The following EBF2 variants were observed in gnomAD, a reference collection of about 807,000 sequenced individuals.
EBF2 encodes EBF transcription factor 2, also known as transcription factor COE2.
EBF2 carries 21 observed loss-of-function variants against 72.8 expected under a neutral mutation model. That is an observed-to-expected ratio of 0.29 (90% CI 0.20 to 0.42). The LOEUF (loss-of-function observed/expected upper bound fraction) is 0.42, where lower values mean the gene tolerates loss of function less well. Among genes scored for constraint, EBF2 ranks in the 10% least tolerant of loss-of-function variants. The pLI, the probability that EBF2 is intolerant of heterozygous loss-of-function variation, is 1.00. For synonymous variants in EBF2, 299 were observed against 274.2 expected, an observed-to-expected ratio of 1.09 and a Z score of -0.89; for missense variants, 637 against 731.2, an observed-to-expected ratio of 0.87 and a Z score of 1.49.
chr8:26,042,430 C>G (rs1805619363), intron 1 of EBF2, among the ~76,000 whole-genome samples, 179 bp from the exon 2 acceptor site: 1 of 152,160 alleles, frequency 6.6e-6, no homozygotes, highest in Admixed American at 6.5e-5. Flanking sequence ...AAAGGAGTCA[C>G]CGTGGCCACG....
intron 14 of EBF2, among the ~76,000 whole-genome samples, chr8:25,854,655 A>G (rs1420503814): frequency 6.6e-6 from 1 of 152,118 alleles, no homozygotes; most frequent in African/African-American, 2.4e-5. Context: ...TACTATTTTA[A>G]TAGGCTTTTT....
chr8:25,981,168 C>T (rs763518010), intron 6 of EBF2, among the ~76,000 whole-genome samples: 66 of 152,298 alleles, frequency 4.3e-4, no homozygotes, highest in Non-Finnish European at 5.1e-4. Context: ...GTGCCAACCA[C>T]GCAGTGAGGT....
chr8:25,960,872 C>T (rs1352936104), intron 6 of EBF2, among the ~76,000 whole-genome samples: 1 of 152,298 alleles, frequency 6.6e-6, no homozygotes, highest in East Asian at 1.9e-4. Context: ...TCTTTCAATT[C>T]CCCTGTGTTA....
At chr8:25,886,631 C>T (rs1319716138) in intron 10 of EBF2, 124 bp downstream of exon 10, 3 of 1,175,784 alleles carry the variant, frequency 2.6e-6, no homozygotes, top group Non-Finnish European at 3.5e-6. Context: ...TATCACTCAG[C>T]TCACTCTTTC....
intron 10 of EBF2, among the ~76,000 whole-genome samples, chr8:25,882,846 C>G (rs1241565981): frequency 6.6e-6 from 1 of 152,198 alleles, no homozygotes; most frequent in Non-Finnish European, 1.5e-5. Context: ...CTCCAATAGC[C>G]TGAGCATAGA....
intron 6 of EBF2, among the ~76,000 whole-genome samples, chr8:25,933,375 T>C (rs906747290): frequency 6.6e-6 from 1 of 152,182 alleles, no homozygotes; most frequent in Non-Finnish European, 1.5e-5. Flanking sequence ...GCCACGAATC[T>C]ACGGAAAAGG....
intron 10 of EBF2, among the ~76,000 whole-genome samples, chr8:25,871,674 G>T (rs1802441758): frequency 6.6e-6 from 1 of 152,118 alleles, no homozygotes; most frequent in Non-Finnish European, 1.5e-5. Flanking sequence ...AGTCATTCGG[G>T]TTTGCTTAAG....
chr8:25,848,444 C>A (rs1355311756), intron 15 of EBF2, among the ~76,000 whole-genome samples: 2 of 152,250 alleles, frequency 1.3e-5, no homozygotes, highest in African/African-American at 2.4e-5. Context: ...CTTACTAAGA[C>A]CAAGCAAGGT....
At chr8:26,030,440 G>T (rs1192301480) in intron 6 of EBF2, among the ~76,000 whole-genome samples, 3 of 152,052 alleles carry the variant, frequency 2.0e-5, no homozygotes, top group Non-Finnish European at 4.4e-5. Flanking sequence ...TGGGGGAAGG[G>T]GGGAGGGAGA....
At chr8:25,922,703 C>A (rs931201945) in intron 6 of EBF2, among the ~76,000 whole-genome samples, 5 of 152,288 alleles carry the variant, frequency 3.3e-5, no homozygotes, top group African/African-American at 1.2e-4. Context: ...CCTTCTACTG[C>A]CTTTGAAAGG....
chr8:25,869,681 C>A (rs1244823539), intron 10 of EBF2, among the ~76,000 whole-genome samples: 1 of 152,060 alleles, frequency 6.6e-6, no homozygotes. Context: ...TTTTTTCTTC[C>A]ACTTAGCTTT....
chr8:25,908,873 T>C (rs946354098), intron 6 of EBF2, among the ~76,000 whole-genome samples: 2 of 152,138 alleles, frequency 1.3e-5, no homozygotes, highest in Non-Finnish European at 2.9e-5. Context: ...AGGCTTCAAA[T>C]GCAGCAGTGA....
At position 25,844,236 on chromosome 8, in the gene EBF2, T is replaced by G. The variant is rs938204253; in HGVS notation, c.*373A>C. 1 of 162,128 alleles carries G rather than the reference T, an allele frequency of 6.2e-6. No individual in the cohort carries two copies. Among genetic ancestry groups the G allele is most frequent in the Non-Finnish European group, 1.4e-5 (1 of 74,072 alleles). The allele number at this position is 162,128 out of a possible 1,614,324, so 10.0% of individuals were successfully genotyped here. A position where few individuals can be genotyped will look rare whatever the true frequency, so the allele number is the denominator to read the frequency against. Reference sequence around the variant, plus strand: ...AGAAAATAGAAACTTTCAACTTTTTTTTCCTACAAAGAAAAACAAATAGTA... The same window carrying G: ...AGAAAATAGAAACTTTCAACTTTTTGTTCCTACAAAGAAAAACAAATAGTA... On this transcript the variant is annotated 3_prime_UTR_variant, in exon 16 of 16. Coordinates refer to ENST00000520164, the MANE Select transcript of EBF2 (RefSeq NM_022659.4).
chr8:25,928,213 G>C, intron 6 of EBF2, among the ~76,000 whole-genome samples: 1 of 152,150 alleles, frequency 6.6e-6, no homozygotes, highest in East Asian at 1.9e-4. Context: ...CCTGAGACAT[G>C]TACCCACTCT....
At position 26,042,160 on chromosome 8, in the gene EBF2, C is replaced by T. The variant is rs2117268032; in HGVS notation, c.223G>A (p.Asp75Asn). ...ATCTCCACCGGCTGGCCCTGCCTGT[C>T]ATAGAGCGCCAGGACGAAGTGAAAG... Reference protein sequence around the residue: ...NFFHFVLALYDRQGQPVEIER... With the variant: ...NFFHFVLALYNRQGQPVEIER... Residue 75 changes from aspartate (D) to asparagine (N), a missense_variant, in exon 2 of 16, where the codon GAC (aspartate) becomes AAC (asparagine). Asp to Asn is a conservative substitution (Grantham distance 23). Transcript: ENST00000520164. The T allele has an allele frequency of 6.2e-7, 1 of 1,614,186 alleles. No individual in the cohort carries two copies. The highest frequency in any genetic ancestry group is 2.2e-5 in the East Asian group (1 of 44,870).
At chr8:25,926,218 G>T (rs1331270062) in intron 6 of EBF2, among the ~76,000 whole-genome samples, 1 of 152,126 alleles carries the variant, frequency 6.6e-6, no homozygotes, top group East Asian at 1.9e-4. Flanking sequence ...TGCTCTCGCC[G>T]TATGGTGGCC....
intron 15 of EBF2, among the ~76,000 whole-genome samples, chr8:25,849,958 G>A (rs1446394042): frequency 6.6e-6 from 1 of 152,116 alleles, no homozygotes; most frequent in Non-Finnish European, 1.5e-5. Context: ...GGTATCCCCT[G>A]GGGTGACTGG....
chr8:26,040,141 G>A, intron 4 of EBF2, 40 bp from the exon 5 acceptor site: 2 of 1,596,748 alleles, frequency 1.3e-6, no homozygotes, highest in Non-Finnish European at 1.7e-6. Flanking sequence ...GATGTGGAGA[G>A]GGGTGGGGGG....
chr8:26,017,725 C>T (rs957431129), intron 6 of EBF2, among the ~76,000 whole-genome samples: 2 of 152,162 alleles, frequency 1.3e-5, no homozygotes, highest in Non-Finnish European at 2.9e-5. Context: ...TTGCCAGTGA[C>T]AATTAGAACA....
Sources: gnomAD v4.1 joint callset for allele counts (sites outside exome capture counted in the v4.1 genomes callset) on GRCh38, gnomAD v4.1.1 for gene constraint, MANE v1.5 for transcripts, NCBI Gene and HGNC (gene_info 2026-07-23, HGNC 2026-07-21) for gene names.